Variants in MAST4 observed in about 807,000 individuals in gnomAD.
MAST4 encodes the protein microtubule-associated serine/threonine-protein kinase 4.
Under a neutral mutation model 162.7 loss-of-function variants are expected in MAST4, and 89 were observed. The observed-to-expected ratio is 0.55, with a 90% CI of 0.46 to 0.65. MAST4 has a LOEUF of 0.65. Among genes scored for constraint, MAST4 ranks in the 30% least tolerant of loss-of-function variants. The probability of loss-of-function intolerance (pLI) is 0.00; values close to 1 mark genes in which losing one functional copy is unlikely to be tolerated. For missense variants in MAST4, 3,153 were observed against 3,374.0 expected (o/e 0.93, Z 1.62); for synonymous variants, 1,479 against 1,361.1 (o/e 1.09, Z -1.91).
intron 3 of MAST4, among the ~76,000 whole-genome samples, chr5:66,838,042 A>G (rs1554057489): frequency 1.3e-5 from 2 of 151,732 alleles, no homozygotes; most frequent in South Asian, 2.1e-4. Context: ...GGCAATTATC[A>G]TAGTGGGGTA....
chr5:67,168,044 G>A lies in MAST4; in HGVS notation c.*993G>A, dbSNP rs549105516. 6.6e-6 allele frequency: 1 copy of A among 152,314 alleles called. No homozygotes were observed. Among genetic ancestry groups the A allele is most frequent in the African/African-American group, 2.4e-5 (1 of 41,556 alleles). The allele number at this position is 152,314 out of a possible 1,614,324, so 9.4% of individuals were successfully genotyped here. ...ACCAGCCCTGCTCTTGAATAAAAAG[G>A]AAAATTACTGGCTGCACCCAAATCT... On this transcript the variant is annotated 3_prime_UTR_variant, in exon 29 of 29. Transcript: ENST00000403625.
At chr5:67,139,615 A>G (rs537303141) in intron 19 of MAST4, among the ~76,000 whole-genome samples, 1 of 152,340 alleles carries the variant, frequency 6.6e-6, no homozygotes, top group East Asian at 1.9e-4. Flanking sequence ...AAATGCAAAA[A>G]TGTTCATTAA....
intron 3 of MAST4, among the ~76,000 whole-genome samples, chr5:66,806,085 T>TG (rs1179566368): frequency 6.6e-6 from 1 of 152,212 alleles, no homozygotes; most frequent in Non-Finnish European, 1.5e-5. Flanking sequence ...ACCACTTTGC[T>TG]GGGCATGAGC....
chr5:67,005,018 T>C (rs1395427374), intron 4 of MAST4: 2 of 774,914 alleles, frequency 2.6e-6, no homozygotes, highest in East Asian at 2.4e-5. Context: ...CCCCAATTTT[T>C]GGACTGTGCT....
chr5:66,822,798 A>G (rs1436907037), intron 3 of MAST4, among the ~76,000 whole-genome samples: 1 of 152,216 alleles, frequency 6.6e-6, no homozygotes, highest in African/African-American at 2.4e-5. Context: ...CTTTCACATT[A>G]TGAATTCACT....
At chr5:66,613,817 C>A (rs1238777229) in intron 1 of MAST4, among the ~76,000 whole-genome samples, 1 of 152,094 alleles carries the variant, frequency 6.6e-6, no homozygotes, top group Non-Finnish European at 1.5e-5. Flanking sequence ...ATCTGTTAAA[C>A]AAAAATAAAC....
intron 22 of MAST4, 142 bp downstream of exon 22, chr5:67,144,938 G>A: frequency 9.0e-6 from 10 of 1,114,778 alleles, no homozygotes; most frequent in Non-Finnish European, 1.3e-5. Context: ...GTAGATCTAG[G>A]GTAGGGCCTG....
rs181880870 is a variant in MAST4 at position 66,938,176 on chromosome 5, T to C, written c.674+38194T>C. 3.2e-3 allele frequency among the ~76,000 whole-genome samples: 478 copies of C among 151,734 alleles called. 2 individuals carry two copies. Among genetic ancestry groups the C allele is most frequent in the African/African-American group, 0.011 (451 of 41,520 alleles). On this transcript the variant is annotated intron_variant, in intron 4 of 28. Coordinates refer to ENST00000403625, the MANE Select transcript of MAST4 (RefSeq NM_001164664.2). ...AACTGTCATATTGCCTAGAATCTTA[T>C]TCCAAATCAGCATTACATAATGATT... is the stretch of plus-strand genomic sequence containing the variant.
intron 4 of MAST4, among the ~76,000 whole-genome samples, chr5:67,039,619 C>T (rs1291110874): frequency 5.9e-5 from 9 of 152,150 alleles, no homozygotes; most frequent in East Asian, 3.9e-4. Context: ...AACAAGTGTT[C>T]GTACCTATAA....
At chr5:66,737,207 T>G (rs1183466130) in intron 1 of MAST4, among the ~76,000 whole-genome samples, 1 of 152,184 alleles carries the variant, frequency 6.6e-6, no homozygotes, top group East Asian at 1.9e-4. Flanking sequence ...ATGGTTTGAC[T>G]GGGGCTGCAG....
At position 67,163,048 on chromosome 5, in the gene MAST4, G is replaced by T. The variant is rs985812407; in HGVS notation, c.3968-99G>T. On this transcript the variant is annotated intron_variant, in intron 28 of 28. Transcript: ENST00000403625. This position sits in a 1 kb window ranked among gnomAD's most constrained non-coding sequence, Gnocchi z 7.0. ...TAGCTAAATGCTGAGACAATTTGCT[G>T]ATCTTACCTGGCCTTACCTAATACA... is the stretch of plus-strand genomic sequence containing the variant. 38 of 1,350,730 alleles carry T rather than the reference G, an allele frequency of 2.8e-5. No individual in the cohort carries two copies. In the East Asian group the frequency reaches 8.8e-4, roughly 31 times the overall value. 83.7% of individuals were successfully genotyped at this position (1,350,730 alleles called of 1,614,324 possible). A position where few individuals can be genotyped will look rare whatever the true frequency, so the allele number is the denominator to read the frequency against.
intron 4 of MAST4, among the ~76,000 whole-genome samples, chr5:67,028,164 G>GTTGTTTTGTT (rs368859806): frequency 6.6e-6 from 1 of 151,922 alleles, no homozygotes; most frequent in Non-Finnish European, 1.5e-5. Context: ...AGGGCATCCA[G>GTTGTTTTGTT]GAGACACACA....
intron 4 of MAST4, among the ~76,000 whole-genome samples, chr5:67,029,103 C>G (rs563067622): frequency 6.6e-5 from 10 of 151,696 alleles, no homozygotes; most frequent in African/African-American, 2.2e-4. Flanking sequence ...TAACTACACC[C>G]AGCCTGGGCG....
chr5:66,652,115 T>TAAAA (rs1746264261), intron 1 of MAST4, among the ~76,000 whole-genome samples: 1 of 152,156 alleles, frequency 6.6e-6, no homozygotes, highest in East Asian at 1.9e-4. Context: ...ATAATTACAT[T>TAAAA]GTTGTATACT....
At chr5:66,989,195 G>A (rs1172855459) in intron 4 of MAST4, among the ~76,000 whole-genome samples, 3 of 152,098 alleles carry the variant, frequency 2.0e-5, no homozygotes, top group Non-Finnish European at 4.4e-5. Context: ...GGACCTTCAC[G>A]TTGTTAAATG....
At chr5:66,951,463 C>G (rs1744662343) in intron 4 of MAST4, among the ~76,000 whole-genome samples, 1 of 152,108 alleles carries the variant, frequency 6.6e-6, no homozygotes. Flanking sequence ...TCCACACAGA[C>G]AATACAGAAT....
chr5:66,918,066 T>G (rs908537311), intron 4 of MAST4, among the ~76,000 whole-genome samples: 1 of 152,176 alleles, frequency 6.6e-6, no homozygotes, highest in Non-Finnish European at 1.5e-5. Context: ...GGTTACTACT[T>G]CTGTCAGTTT....
At chr5:66,708,563 AC>A (rs11307193) in intron 1 of MAST4, among the ~76,000 whole-genome samples, 56,377 of 151,778 alleles carry the variant, frequency 0.37, 10,534 homozygotes, top group Non-Finnish European at 0.39. Flanking sequence ...GACTGTTCTG[AC>A]CTCCTTGTCT....
intron 14 of MAST4, among the ~76,000 whole-genome samples, chr5:67,127,298 C>G (rs920675772): frequency 6.6e-6 from 1 of 152,160 alleles, no homozygotes; most frequent in African/African-American, 2.4e-5. Flanking sequence ...GAGTGGACAT[C>G]CTTGTGTGGT....
Sources: gnomAD v4.1 joint callset for allele counts (sites outside exome capture counted in the v4.1 genomes callset) on GRCh38, gnomAD v4.1.1 for gene constraint, Gnocchi (gnomAD v3.1) non-coding constraint, MANE v1.5 for transcripts, NCBI Gene and HGNC (gene_info 2026-07-23, HGNC 2026-07-21) for gene names.